Variants in PCED1B observed in about 807,000 individuals in gnomAD.
PCED1B encodes PC-esterase domain containing 1B.
For synonymous variants in PCED1B, 251 were observed against 246.1 expected (o/e 1.02, Z -0.19); for missense variants, 573 against 573.9 (o/e 1.00, Z 0.02).
intron 2 of PCED1B, among the ~76,000 whole-genome samples, chr12:47,152,961 G>A (rs1050504666): frequency 2.0e-5 from 3 of 151,806 alleles, no homozygotes; most frequent in Admixed American, 6.6e-5. Context: ...ATAACATTAG[G>A]CTGACAGTTA....
At chr12:47,110,901 A>G (rs959670878) in intron 2 of PCED1B, among the ~76,000 whole-genome samples, 17 of 152,250 alleles carry the variant, frequency 1.1e-4, no homozygotes, top group Non-Finnish European at 2.5e-4. Context: ...ACATGAGGTC[A>G]TAGCACCAGA....
At chr12:47,086,543 C>T (rs537949661) in intron 1 of PCED1B, among the ~76,000 whole-genome samples, 205 of 152,114 alleles carry the variant, frequency 1.3e-3, no homozygotes, top group Non-Finnish European at 2.2e-3. Context: ...ATGAGAGAAA[C>T]AAGCAAACCT....
chr12:47,224,697 C>T (rs1033016675), intron 3 of PCED1B, among the ~76,000 whole-genome samples: 3 of 152,036 alleles, frequency 2.0e-5, no homozygotes, highest in Non-Finnish European at 2.9e-5. Flanking sequence ...GGCTATATGG[C>T]GTGGTTTCAT....
At chr12:47,095,848 A>G (rs1218266650) in intron 1 of PCED1B, among the ~76,000 whole-genome samples, 1 of 146,900 alleles carries the variant, frequency 6.8e-6, no homozygotes, top group African/African-American at 2.5e-5. Context: ...CATAAGTATT[A>G]TAAATTCCTT....
chr12:47,213,193 C>CCT (rs1943146318), intron 2 of PCED1B, among the ~76,000 whole-genome samples: 1 of 152,140 alleles, frequency 6.6e-6, no homozygotes, highest in South Asian at 2.1e-4. Flanking sequence ...AAATCGAACT[C>CCT]ATGAGAAGTT....
chr12:47,080,891 C>A (rs542511165), intron 1 of PCED1B, among the ~76,000 whole-genome samples: 1 of 152,194 alleles, frequency 6.6e-6, no homozygotes, highest in African/African-American at 2.4e-5. Context: ...CTTTTGCAAG[C>A]GTGCTCGTGG....
At chr12:47,091,677 T>C (rs1367245255) in intron 1 of PCED1B, among the ~76,000 whole-genome samples, 3 of 152,180 alleles carry the variant, frequency 2.0e-5, no homozygotes, top group Non-Finnish European at 4.4e-5. Flanking sequence ...TGTTTCATCT[T>C]TCAATTATTT....
intron 2 of PCED1B, among the ~76,000 whole-genome samples, chr12:47,173,946 A>G (rs958581462): frequency 6.6e-6 from 1 of 152,202 alleles, no homozygotes; most frequent in African/African-American, 2.4e-5. Flanking sequence ...ATATGTATGC[A>G]AAAGTGTCTA....
intron 1 of PCED1B, among the ~76,000 whole-genome samples, chr12:47,096,852 T>C (rs950399879): frequency 6.6e-6 from 1 of 152,230 alleles, no homozygotes; most frequent in Non-Finnish European, 1.5e-5. Flanking sequence ...ACTCTGCTGG[T>C]TTAAAATATA....
At chr12:47,121,219 A>C (rs1411701380) in intron 2 of PCED1B, among the ~76,000 whole-genome samples, 1 of 152,244 alleles carries the variant, frequency 6.6e-6, no homozygotes, top group Non-Finnish European at 1.5e-5. Flanking sequence ...GGAAAGAAAC[A>C]ATCCCGGTGA....
chr12:47,188,174 T>C (rs1942333080), intron 2 of PCED1B, among the ~76,000 whole-genome samples: 1 of 152,176 alleles, frequency 6.6e-6, no homozygotes, highest in Non-Finnish European at 1.5e-5. Flanking sequence ...TTGGGGACAG[T>C]GATCTTGCCT....
At chr12:47,173,723 G>GA (rs1264270619) in intron 2 of PCED1B, among the ~76,000 whole-genome samples, 6 of 152,048 alleles carry the variant, frequency 3.9e-5, no homozygotes, top group African/African-American at 1.4e-4. Context: ...AGTACCAGAA[G>GA]AAAAATGTAA....
intron 1 of PCED1B, among the ~76,000 whole-genome samples, chr12:47,080,812 CCT>C (rs1211822735): frequency 6.6e-6 from 1 of 151,872 alleles, no homozygotes; most frequent in Non-Finnish European, 1.5e-5. Context: ...TCTCTCTCTC[CCT>C]CTCTCTCCTT....
chr12:47,146,911 G>T (rs775448532), intron 2 of PCED1B, among the ~76,000 whole-genome samples: 2 of 150,966 alleles, frequency 1.3e-5, no homozygotes, highest in Non-Finnish European at 2.9e-5. Context: ...CTTTCCTCTT[G>T]CATCTTACTG....
intron 1 of PCED1B, among the ~76,000 whole-genome samples, chr12:47,083,440 C>T (rs1937838362): frequency 6.6e-6 from 1 of 151,944 alleles, no homozygotes; most frequent in Admixed American, 6.5e-5. Context: ...ATCACTCTGG[C>T]GGGCAGCACT....
intron 1 of PCED1B, among the ~76,000 whole-genome samples, chr12:47,085,589 T>C (rs1937939938): frequency 6.6e-6 from 1 of 152,214 alleles, no homozygotes; most frequent in Non-Finnish European, 1.5e-5. Context: ...GGCAGGGGAC[T>C]ATCTGGTGAC....
chr12:47,185,984 C>A (rs1466001426), intron 2 of PCED1B, among the ~76,000 whole-genome samples: 3 of 151,934 alleles, frequency 2.0e-5, no homozygotes, highest in Non-Finnish European at 4.4e-5. Flanking sequence ...CTTTGGGAGG[C>A]CAAGGTGGGC....
chr12:47,137,488 A>G (rs1271222122), intron 2 of PCED1B, among the ~76,000 whole-genome samples: 1 of 152,168 alleles, frequency 6.6e-6, no homozygotes, highest in Non-Finnish European at 1.5e-5. Context: ...TAATTTCTAA[A>G]CATTTAGGGA....
At chr12:47,153,355 C>CAAAAAAAAAAAAAAAAAA in intron 2 of PCED1B, among the ~76,000 whole-genome samples, 1 of 95,272 alleles carries the variant, frequency 1.0e-5, no homozygotes, top group Non-Finnish European at 2.0e-5. Flanking sequence ...GACTCCTTCT[C>CAAAAAAAAAAAAAAAAAA]AAAAAAAAAA....
Sources: allele counts gnomAD v4.1 joint callset (sites outside exome capture counted in the v4.1 genomes callset), GRCh38; gene constraint gnomAD v4.1.1; transcripts MANE v1.5; gene names NCBI Gene and HGNC (gene_info 2026-07-23, HGNC 2026-07-21).